The following VMP1 variants were observed in gnomAD, a reference collection of about 807,000 sequenced individuals.
VMP1 encodes vacuole membrane protein 1.
VMP1 carries 11 observed loss-of-function variants against 56.0 expected under a neutral mutation model. The observed-to-expected ratio is 0.20, with a 90% CI of 0.12 to 0.32. The LOEUF is 0.32. Ranked by LOEUF, VMP1 falls within the 10% of genes least tolerant of loss-of-function variation. The pLI is 1.00. For missense variants in VMP1, 296 were observed against 490.3 expected (o/e 0.60, Z 3.74); for synonymous variants, 149 against 165.0 (o/e 0.90, Z 0.74).
chr17:59,834,432 T>C (rs1292625863), intron 10 of VMP1, among the ~76,000 whole-genome samples: 2 of 152,058 alleles, frequency 1.3e-5, no homozygotes, highest in Admixed American at 6.6e-5. Context: ...GCCTGGCTAC[T>C]TTTGTTTTTT....
At chr17:59,759,738 T>C (rs758630388) in intron 5 of VMP1, among the ~76,000 whole-genome samples, 26 of 152,312 alleles carry the variant, frequency 1.7e-4, no homozygotes, top group Non-Finnish European at 3.1e-4. Flanking sequence ...CCTGAATTTA[T>C]ACATTTGGTC....
At chr17:59,748,587 T>C (rs1174227796) in intron 5 of VMP1, among the ~76,000 whole-genome samples, 1 of 152,334 alleles carries the variant, frequency 6.6e-6, no homozygotes, top group East Asian at 1.9e-4. Context: ...ATGAAATTAC[T>C]TGTACAGTTT....
intron 7 of VMP1, among the ~76,000 whole-genome samples, chr17:59,790,730 G>T (rs895097655): frequency 2.0e-5 from 3 of 152,184 alleles, no homozygotes; most frequent in African/African-American, 4.8e-5. Flanking sequence ...GGCAGAGGCT[G>T]CAGTGAGCCA....
At chr17:59,765,994 CT>C (rs1183628495) in intron 6 of VMP1, among the ~76,000 whole-genome samples, 4 of 151,350 alleles carry the variant, frequency 2.6e-5, no homozygotes, top group South Asian at 2.1e-4. Flanking sequence ...ATATGTCTTA[CT>C]TTTTTTAATT....
chr17:59,730,845 T>G (rs571764027), intron 1 of VMP1, among the ~76,000 whole-genome samples: 26 of 149,946 alleles, frequency 1.7e-4, no homozygotes, highest in East Asian at 3.9e-4. Flanking sequence ...CAAGTTTGGT[T>G]TTTTTTTTTG....
intron 7 of VMP1, among the ~76,000 whole-genome samples, chr17:59,778,894 A>G (rs2036723836): frequency 6.6e-6 from 1 of 152,186 alleles, no homozygotes; most frequent in Non-Finnish European, 1.5e-5. Flanking sequence ...GATATGTGGT[A>G]CCATACTCTC....
intron 1 of VMP1, among the ~76,000 whole-genome samples, chr17:59,722,934 C>T (rs1345132050): frequency 3.9e-5 from 6 of 152,184 alleles, no homozygotes; most frequent in African/African-American, 1.4e-4. Flanking sequence ...CCAGCTCTTA[C>T]ATTACCTCAC....
intron 7 of VMP1, among the ~76,000 whole-genome samples, chr17:59,798,024 C>G (rs1356881299): frequency 6.6e-6 from 1 of 152,082 alleles, no homozygotes; most frequent in South Asian, 2.1e-4. Context: ...TTCTGGAGTT[C>G]CGGTAATGTT....
At position 59,772,763 on chromosome 17, in the gene VMP1, C is replaced by A. The variant is rs183833752; in HGVS notation, c.583-991C>A. 9.5e-4 allele frequency among the ~76,000 whole-genome samples: 143 copies of A among 149,874 alleles called. 2 individuals carry two copies. The highest frequency in any genetic ancestry group is 3.4e-3 in the African/African-American group (139 of 40,806). The stretch of plus-strand genomic sequence containing the variant: ...CAGCCTTCGTGACAGAGTGAGACTT[C>A]ATCTCAAAAAAAAAAAGAAAAAGAA... On this transcript the variant is annotated intron_variant, in intron 6 of 11. Transcript: ENST00000262291.
chr17:59,771,832 C>T (rs576558143), intron 6 of VMP1, among the ~76,000 whole-genome samples: 16 of 151,912 alleles, frequency 1.1e-4, no homozygotes, highest in Non-Finnish European at 2.4e-4. Context: ...ACACCTGCCT[C>T]AGCCTCCCAA....
chr17:59,728,091 G>T (rs760211504), intron 1 of VMP1, among the ~76,000 whole-genome samples: 2 of 152,208 alleles, frequency 1.3e-5, no homozygotes. Flanking sequence ...TACACAAATG[G>T]ATTGTATCTT....
At chr17:59,734,037 C>G (rs1461941129) in intron 2 of VMP1, among the ~76,000 whole-genome samples, 1 of 152,152 alleles carries the variant, frequency 6.6e-6, no homozygotes, top group East Asian at 1.9e-4. Flanking sequence ...ATAGAATGCC[C>G]TTCATAGAAG....
intron 6 of VMP1, among the ~76,000 whole-genome samples, chr17:59,771,476 C>T (rs1037380060): frequency 1.3e-5 from 2 of 151,974 alleles, no homozygotes; most frequent in Admixed American, 6.6e-5. Flanking sequence ...AATTTAGTTA[C>T]CCCGAGATAT....
chr17:59,775,249 A>T (rs1461477614), intron 7 of VMP1, among the ~76,000 whole-genome samples: 1 of 146,078 alleles, frequency 6.8e-6, no homozygotes, highest in Admixed American at 6.8e-5. Flanking sequence ...CGGCCTACAA[A>T]AAATTTTTTA....
At chr17:59,722,565 G>T (rs1203827524) in intron 1 of VMP1, among the ~76,000 whole-genome samples, 1 of 152,160 alleles carries the variant, frequency 6.6e-6, no homozygotes. Flanking sequence ...CTTAGGCTGG[G>T]CACAGTGGCT....
intron 7 of VMP1, among the ~76,000 whole-genome samples, chr17:59,785,387 A>G (rs1234262891): frequency 1.3e-5 from 2 of 152,178 alleles, no homozygotes; most frequent in East Asian, 1.9e-4. Flanking sequence ...TTCAAAGAAT[A>G]TCGGGGCCTG....
chr17:59,825,966 G>A (rs574585817), intron 10 of VMP1, among the ~76,000 whole-genome samples: 1 of 152,302 alleles, frequency 6.6e-6, no homozygotes, highest in South Asian at 2.1e-4. Flanking sequence ...CATTTTAGAG[G>A]ATAAAATGGT....
At chr17:59,807,199 GT>G (rs376878801) in intron 7 of VMP1, among the ~76,000 whole-genome samples, 99 of 132,608 alleles carry the variant, frequency 7.5e-4, no homozygotes, top group South Asian at 1.7e-3. Context: ...TTGTTTTTTT[GT>G]TTTTTTTTTT....
intron 1 of VMP1, among the ~76,000 whole-genome samples, chr17:59,709,216 C>A (rs1465080263): frequency 6.6e-6 from 1 of 152,152 alleles, no homozygotes; most frequent in African/African-American, 2.4e-5. Context: ...GTTTAACATT[C>A]GGTAAATTTG....
Sources: allele counts gnomAD v4.1 joint callset (sites outside exome capture counted in the v4.1 genomes callset), GRCh38; gene constraint gnomAD v4.1.1; transcripts MANE v1.5; gene names NCBI Gene and HGNC (gene_info 2026-07-23, HGNC 2026-07-21).